The following FLYWCH1 variants were observed in gnomAD, a reference collection of about 807,000 sequenced individuals.
FLYWCH1 encodes the protein FLYWCH-type zinc finger 1.
FLYWCH1 carries 75 observed loss-of-function variants against 66.4 expected under a neutral mutation model. The observed-to-expected ratio is 1.13, with a 90% CI of 0.94 to 1.37. The LOEUF (loss-of-function observed/expected upper bound fraction) is 1.37. Ranked by LOEUF, FLYWCH1 falls within the 40% of genes most tolerant of loss-of-function variation. The pLI, the probability that FLYWCH1 is intolerant of heterozygous loss-of-function variation, is 0.00. For synonymous variants in FLYWCH1, 595 were observed against 429.9 expected (o/e 1.38, Z -4.75); for missense variants, 1,334 against 1,001.8 (o/e 1.33, Z -4.48).
chr16:2,931,547 T>C (rs990047425), intron 4 of FLYWCH1, among the ~76,000 whole-genome samples: 21 of 151,714 alleles, frequency 1.4e-4, no homozygotes, highest in Admixed American at 5.9e-4. Flanking sequence ...GCTAGGGAGA[T>C]TGAGGCTGCA....
At chr16:2,937,932 TC>T (rs2071085915) in intron 7 of FLYWCH1, among the ~76,000 whole-genome samples, 1 of 151,598 alleles carries the variant, frequency 6.6e-6, no homozygotes, top group African/African-American at 2.4e-5. Context: ...GTTGGGAGAG[TC>T]CTTCAGGAGC....
chr16:2,937,839 G>A (rs995028402), intron 7 of FLYWCH1, among the ~76,000 whole-genome samples: 1 of 152,178 alleles, frequency 6.6e-6, no homozygotes, highest in Admixed American at 6.5e-5. Flanking sequence ...AGGTGGACAG[G>A]GAGCCAGGAG....
intron 6 of FLYWCH1, 78 bp downstream of exon 6, chr16:2,934,057 G>A (rs1241563602): frequency 2.5e-5 from 35 of 1,410,936 alleles, no homozygotes; most frequent in East Asian, 5.0e-5. Flanking sequence ...TCCATGCTGC[G>A]GCTCCCCCTG....
chr16:2,938,848 G>A (rs545053131), intron 8 of FLYWCH1, among the ~76,000 whole-genome samples: 26 of 151,356 alleles, frequency 1.7e-4, no homozygotes, highest in East Asian at 5.9e-4. Flanking sequence ...TTCTGACCTC[G>A]TGATCCGCCT....
chr16:2,939,860 G>C (rs2071187559), intron 8 of FLYWCH1, 172 bp from the exon 9 acceptor site: 2 of 634,434 alleles, frequency 3.2e-6, no homozygotes, highest in Non-Finnish European at 2.6e-6. Context: ...AGCTCAAGTA[G>C]CTGCTGTTAC....
In FLYWCH1 at chr16:2,948,857, C is replaced by A. The variant is rs774410655; in HGVS notation, c.*130C>A. The A allele has an allele frequency of 1.3e-6, 1 of 779,438 alleles. No homozygotes were observed. Among genetic ancestry groups the A allele is most frequent in the South Asian group, 1.5e-5 (1 of 64,914 alleles). 48.3% of individuals were successfully genotyped at this position (779,438 alleles called of 1,614,324 possible). A position where few individuals can be genotyped will look rare whatever the true frequency, so the allele number is the denominator to read the frequency against. ...ATTCTTCCAAAGCATCGATGGTCTT[C>A]GCGTCTCCTCAGGAGGTCTCCCAGG... On this transcript the variant is annotated 3_prime_UTR_variant, in exon 10 of 10. Coordinates refer to ENST00000253928, the MANE Select transcript of FLYWCH1 (RefSeq NM_001308068.2).
intron 2 of FLYWCH1, among the ~76,000 whole-genome samples, chr16:2,925,609 C>A (rs904885759): frequency 2.0e-5 from 3 of 150,444 alleles, no homozygotes; most frequent in Non-Finnish European, 3.0e-5. Context: ...CCGCCCTAAC[C>A]TTTTCCTGCC....
At chr16:2,939,349 C>A (rs1479312537) in intron 8 of FLYWCH1, among the ~76,000 whole-genome samples, 1 of 152,146 alleles carries the variant, frequency 6.6e-6, no homozygotes, top group Non-Finnish European at 1.5e-5. Flanking sequence ...GTAATCCCAG[C>A]TGCTTGGGAG....
rs1356206073 is a variant in FLYWCH1 at position 2,949,812 on chromosome 16, A to G, written c.*1085A>G. On this transcript the variant is annotated 3_prime_UTR_variant, in exon 10 of 10. Transcript: ENST00000253928. Reference sequence around the variant, plus strand: ...CCCAATAAATCCTATTTTCCATCTCACCGTGTGGAGCTGGTACTTGTTCAC... The same window carrying G: ...CCCAATAAATCCTATTTTCCATCTCGCCGTGTGGAGCTGGTACTTGTTCAC... 6.6e-6 allele frequency: 1 copy of G among 151,458 alleles called. No homozygotes were observed. The highest frequency in any genetic ancestry group is 1.5e-5 in the Non-Finnish European group (1 of 67,936). The allele number at this position is 151,458 out of a possible 1,614,324, so 9.4% of individuals were successfully genotyped here. A position where few individuals can be genotyped will look rare whatever the true frequency, so the allele number is the denominator to read the frequency against.
At chr16:2,920,810 G>A (rs1308656369) in intron 2 of FLYWCH1, among the ~76,000 whole-genome samples, 1 of 149,382 alleles carries the variant, frequency 6.7e-6, no homozygotes, top group East Asian at 2.0e-4. Flanking sequence ...CGAAGTGCTA[G>A]GATTACAGGC....
intron 9 of FLYWCH1, among the ~76,000 whole-genome samples, chr16:2,941,910 T>G (rs1158460734): frequency 7.0e-6 from 1 of 142,916 alleles, no homozygotes; most frequent in African/African-American, 2.7e-5. Flanking sequence ...AGCAGGAGAA[T>G]TGCTTGAACC....
At chr16:2,921,077 G>A (rs1296409635) in intron 2 of FLYWCH1, among the ~76,000 whole-genome samples, 1 of 151,916 alleles carries the variant, frequency 6.6e-6, no homozygotes, top group Non-Finnish European at 1.5e-5. Context: ...TGCTGACCCC[G>A]TGATCTGCCC....
At chr16:2,945,978 C>T (rs1284787115) in intron 9 of FLYWCH1, among the ~76,000 whole-genome samples, 1 of 151,958 alleles carries the variant, frequency 6.6e-6, no homozygotes, top group Non-Finnish European at 1.5e-5. Context: ...GCCTGGGCAA[C>T]AGAGCGAGAC....
In FLYWCH1 at chr16:2,929,689, C is replaced by A. The variant is rs1195750474; in HGVS notation, c.4C>A (p.Pro2Thr). 2 of 1,609,704 alleles carry A rather than the reference C, an allele frequency of 1.2e-6. No individual in the cohort carries two copies. The highest frequency in any genetic ancestry group is 1.1e-5 in the South Asian group (1 of 90,602). Residue 2 changes from proline to threonine, a missense_variant, in exon 3 of 10, where the codon CCC becomes ACC. By Grantham distance (38) the Pro-to-Thr change is conservative. Transcript: ENST00000253928. Reference sequence around the variant, plus strand: ...GGGACAGGCCCTGGGTCCCGGGATGCCCCTGCCCGAGCCCAGCGAGCAGGA... The same window carrying A: ...GGGACAGGCCCTGGGTCCCGGGATGACCCTGCCCGAGCCCAGCGAGCAGGA... M[P>T]LPEPSEQEGE...
intron 2 of FLYWCH1, among the ~76,000 whole-genome samples, chr16:2,924,223 G>T (rs1339770086): frequency 6.6e-6 from 1 of 151,912 alleles, no homozygotes; most frequent in Non-Finnish European, 1.5e-5. Context: ...CCAGCTCCTC[G>T]GGAGGCTGAG....
intron 9 of FLYWCH1, among the ~76,000 whole-genome samples, chr16:2,943,763 C>A (rs553768902): frequency 7.2e-5 from 11 of 152,084 alleles, no homozygotes; most frequent in Admixed American, 2.6e-4. Context: ...TAGTGAAACT[C>A]TGTCTCTACT....
rs144629007 is a variant in FLYWCH1 at position 2,937,440 on chromosome 16, A to ACACGCTGGCTGGAGGCTGCC, written c.1777+58_1777+77dup. The ACACGCTGGCTGGAGGCTGCC allele has an allele frequency of 6.5e-3, 9,558 of 1,473,436 alleles. 546 individuals carry two copies. In the African/African-American group the frequency reaches 0.12, roughly 19 times the overall value. 91.3% of individuals were successfully genotyped at this position (1,473,436 alleles called of 1,614,324 possible). On this transcript the variant is annotated intron_variant, in intron 7 of 9. Coordinates refer to ENST00000253928, the MANE Select transcript of FLYWCH1 (RefSeq NM_001308068.2). ...CCTGGTCTCCCAGGACCTGTGCCCC[A>ACACGCTGGCTGGAGGCTGCC]CACGCTGGCTGGAGGCTGCCCGTGG... is the stretch of plus-strand genomic sequence containing the variant.
rs1255797495 is a variant in FLYWCH1, at chr16:2,938,373, A to G, written c.1967A>G (p.His656Arg). 6.3e-7 allele frequency: 1 copy of G among 1,584,134 alleles called. No individual in the cohort carries two copies. The highest frequency in any genetic ancestry group is 1.7e-5 in the Admixed American group (1 of 57,402). The change falls in exon 8 of 10, where the codon CAC (histidine) becomes CGC (arginine). Residue 656 changes from histidine to arginine, a missense_variant. Physicochemically the swap from His to Arg is conservative, Grantham distance 29. Coordinates refer to ENST00000253928, the MANE Select transcript of FLYWCH1 (RefSeq NM_001308068.2). ...QGHRIMVMRS[H>R]CHQPDLAGLE... is the part of the protein sequence containing the mutation. The stretch of plus-strand genomic sequence containing the variant: ...CACCGCATCATGGTCATGCGCAGCC[A>G]CTGCCATCAGCCTGACCTGGCAGGC...
chr16:2,941,646 G>T (rs1035566370), intron 9 of FLYWCH1, among the ~76,000 whole-genome samples: 2 of 151,930 alleles, frequency 1.3e-5, no homozygotes, highest in Non-Finnish European at 2.9e-5. Context: ...GGTGGCTAGG[G>T]TGGGAGGATC....
Sources: allele counts gnomAD v4.1 joint callset (sites outside exome capture counted in the v4.1 genomes callset), GRCh38; gene constraint gnomAD v4.1.1; transcripts MANE v1.5; gene names NCBI Gene and HGNC (gene_info 2026-07-23, HGNC 2026-07-21).